MBD5: variants seen among roughly 807,000 people sequenced by gnomAD.
MBD5 encodes methyl-CpG-binding domain protein 5.
Under a neutral mutation model 117.3 loss-of-function variants are expected in MBD5, and 13 were observed. That is an observed-to-expected ratio of 0.11 (90% CI 0.07 to 0.18). MBD5 has a LOEUF of 0.18. MBD5 is among the 10% of genes least tolerant of loss of function. The pLI is 1.00. For synonymous variants in MBD5, 727 were observed against 766.4 expected, an observed-to-expected ratio of 0.95 and a Z score of 0.85; for missense variants, 1,879 against 2,093.8, an observed-to-expected ratio of 0.90 and a Z score of 2.00.
At chr2:148,252,351 T>C (rs753292114) in intron 3 of MBD5, among the ~76,000 whole-genome samples, 23 of 152,172 alleles carry the variant, frequency 1.5e-4, no homozygotes, top group Non-Finnish European at 1.5e-4. Flanking sequence ...TCCCAGCTAC[T>C]GGGGAGACTG....
rs1680789071 is a variant in MBD5, at chr2:148,471,315, A to G, written c.2518+854A>G. On this transcript the variant is annotated intron_variant, in intron 8 of 13. Coordinates refer to ENST00000642680, the MANE Select transcript of MBD5 (RefSeq NM_001378120.1). ...ATAGAGTCCTCAGAAATTGTTATAA[A>G]AACTGTACAGAAGCACCTAAGAGGT... 3 of 152,160 alleles carry G rather than the reference A, an allele frequency of 2.0e-5. No homozygotes were observed. In the South Asian group the frequency reaches 6.2e-4, roughly 32 times the overall value. 9.4% of individuals were successfully genotyped at this position (152,160 alleles called of 1,614,324 possible). A position where few individuals can be genotyped will look rare whatever the true frequency, so the allele number is the denominator to read the frequency against.
At chr2:148,333,328 T>A (rs1702708103) in intron 3 of MBD5, among the ~76,000 whole-genome samples, 1 of 152,162 alleles carries the variant, frequency 6.6e-6, no homozygotes, top group African/African-American at 2.4e-5. Flanking sequence ...TAGATCTGAC[T>A]GCTGTTTTAT....
At chr2:148,110,513 C>T (rs1437286028) in intron 1 of MBD5, among the ~76,000 whole-genome samples, 2 of 152,096 alleles carry the variant, frequency 1.3e-5, no homozygotes, top group Non-Finnish European at 2.9e-5. Flanking sequence ...CCTGTTGAAT[C>T]TCTAGAAGCT....
chr2:148,393,500 G>T (rs919817379), intron 4 of MBD5: 1 of 152,126 alleles, frequency 6.6e-6, no homozygotes, highest in Non-Finnish European at 1.5e-5. Context: ...GGTTAGCAGG[G>T]AGTTGATGTT....
At chr2:148,389,250 ACATATATATATATATATATATATATAT>A (rs1704482522) in intron 4 of MBD5, among the ~76,000 whole-genome samples, 2 of 29,148 alleles carry the variant, frequency 6.9e-5, no homozygotes, top group African/African-American at 2.4e-4. Context: ...GGAAAAAAAA[ACATATATATATATATATATATATATAT>A]ATATATATAT....
At chr2:148,482,746 T>A (rs1681198953) in intron 8 of MBD5, among the ~76,000 whole-genome samples, 1 of 152,170 alleles carries the variant, frequency 6.6e-6, no homozygotes. Flanking sequence ...ATCTACCCAA[T>A]TGAATGAAGA....
At chr2:148,294,508 T>TTTTTTTGTTTTTTTTG (rs1173366656) in intron 3 of MBD5, among the ~76,000 whole-genome samples, 4 of 137,474 alleles carry the variant, frequency 2.9e-5, no homozygotes, top group African/African-American at 1.1e-4. Context: ...ACAGTTTTTT[T>TTTTTTTGTTTTTTTTG]TTTTTTTTTT....
intron 3 of MBD5, among the ~76,000 whole-genome samples, chr2:148,257,638 A>C (rs1276810202): frequency 1.3e-5 from 2 of 152,206 alleles, no homozygotes; most frequent in African/African-American, 4.8e-5. Flanking sequence ...AGAGGTTAAC[A>C]TATCATCAAT....
At chr2:148,064,084 G>A (rs992222355) in intron 1 of MBD5, among the ~76,000 whole-genome samples, 1 of 150,814 alleles carries the variant, frequency 6.6e-6, no homozygotes, top group African/African-American at 2.4e-5. Context: ...CATATATAGG[G>A]TGAATCTAAA....
rs770985337 is a variant in MBD5, at chr2:148,483,456, C to T, written c.2865C>T (p.Leu955=). ...SAGEGKSEIN[L]HPLGFLNPNV... is the part of the protein sequence containing the mutation. ...GAGAAGGCAAGTCTGAGATCAACCTCCACCCTTTAGGTTTTCTCAACCCGA... is the reference window on the plus strand; with the variant it reads ...GAGAAGGCAAGTCTGAGATCAACCTTCACCCTTTAGGTTTTCTCAACCCGA... The change falls in exon 9 of 14, where the codon CTC becomes CTT. Residue 955 remains leucine, a synonymous_variant. Transcript: ENST00000642680. 2 of 1,614,082 alleles carry T rather than the reference C, an allele frequency of 1.2e-6. No homozygotes were observed. Among genetic ancestry groups the T allele is most frequent in the Non-Finnish European group, 1.7e-6 (2 of 1,180,000 alleles).
intron 3 of MBD5, among the ~76,000 whole-genome samples, chr2:148,305,073 A>T (rs190866017): frequency 0.016 from 2,390 of 152,036 alleles, 39 homozygotes; most frequent in African/African-American, 0.03. Context: ...TCAAAAAAAA[A>T]AAAATAAAAT....
intron 4 of MBD5, among the ~76,000 whole-genome samples, chr2:148,375,362 G>T (rs750154483): frequency 6.6e-6 from 1 of 152,162 alleles, no homozygotes; most frequent in Non-Finnish European, 1.5e-5. Context: ...AGCTGGCTTT[G>T]GAGTTGTCTA....
intron 1 of MBD5, among the ~76,000 whole-genome samples, chr2:148,108,872 T>C (rs189796124): frequency 2.0e-5 from 3 of 152,268 alleles, no homozygotes; most frequent in Non-Finnish European, 2.9e-5. Flanking sequence ...AAAGAACATA[T>C]GTAGACACTT....
intron 4 of MBD5, among the ~76,000 whole-genome samples, chr2:148,380,603 G>C (rs1312983070): frequency 6.6e-6 from 1 of 151,978 alleles, no homozygotes; most frequent in African/African-American, 2.4e-5. Flanking sequence ...ATTAGAAAAA[G>C]GACAGCTTTG....
At chr2:148,458,934 C>G in intron 5 of MBD5, 63 bp downstream of exon 5, 1 of 1,312,540 alleles carries the variant, frequency 7.6e-7, no homozygotes, top group Non-Finnish European at 1.1e-6. Context: ...AGGAGAGAAC[C>G]AAGCATGGTG....
At chr2:148,170,080 G>T (rs563768379) in intron 1 of MBD5, among the ~76,000 whole-genome samples, 7 of 152,140 alleles carry the variant, frequency 4.6e-5, no homozygotes, top group African/African-American at 1.7e-4. Context: ...TGTATTTTTA[G>T]TAGAGACGGG....
At chr2:148,307,316 A>G (rs1701917258) in intron 3 of MBD5, among the ~76,000 whole-genome samples, 1 of 152,128 alleles carries the variant, frequency 6.6e-6, no homozygotes, top group African/African-American at 2.4e-5. Context: ...TCATCAGAAA[A>G]TTATGAGCTC....
chr2:148,440,729 C>T (rs750520757), intron 4 of MBD5, among the ~76,000 whole-genome samples: 2 of 152,160 alleles, frequency 1.3e-5, no homozygotes, highest in South Asian at 4.1e-4. Context: ...TATATTAAAA[C>T]GGAGTTTGGC....
intron 2 of MBD5, among the ~76,000 whole-genome samples, chr2:148,201,417 C>T (rs1699138603): frequency 6.6e-6 from 1 of 152,208 alleles, no homozygotes. Flanking sequence ...TTACAGCATG[C>T]TAATGACCTC....
Sources: gnomAD v4.1 joint callset for allele counts (sites outside exome capture counted in the v4.1 genomes callset) on GRCh38, gnomAD v4.1.1 for gene constraint, MANE v1.5 for transcripts, NCBI Gene and HGNC (gene_info 2026-07-23, HGNC 2026-07-21) for gene names.